The following VPS52 variants were observed in gnomAD, a reference collection of about 807,000 sequenced individuals.
The protein encoded by VPS52 is vacuolar protein sorting-associated protein 52 homolog.
Under a neutral mutation model 98.7 loss-of-function variants are expected in VPS52, and 56 were observed. The observed-to-expected ratio is 0.57, with a 90% CI of 0.46 to 0.71. The LOEUF (loss-of-function observed/expected upper bound fraction) is 0.71. Ranked by LOEUF, VPS52 falls within the 30% of genes least tolerant of loss-of-function variation. The probability of loss-of-function intolerance (pLI) is 0.00; values close to 1 mark genes in which losing one functional copy is unlikely to be tolerated. For synonymous variants in VPS52, 348 were observed against 346.4 expected, an observed-to-expected ratio of 1.00 and a Z score of -0.05; for missense variants, 742 against 925.9, an observed-to-expected ratio of 0.80 and a Z score of 2.58.
chr6:33,268,690 C>G lies in VPS52; in HGVS notation c.549-41G>C. On this transcript the variant is annotated intron_variant, in intron 6 of 19. Transcript: ENST00000445902. This position sits in a 1 kb window ranked among gnomAD's most constrained non-coding sequence, Gnocchi z 4.0. ...GGGTGGGATGAGTTACAAGGGAGAC[C>G]CAGACATCCCTAAACCAGACCCAGA... The G allele has an allele frequency of 6.4e-7, 1 of 1,560,998 alleles. No homozygotes were observed. The highest frequency in any genetic ancestry group is 8.6e-7 in the Non-Finnish European group (1 of 1,159,440).
intron 17 of VPS52, among the ~76,000 whole-genome samples, chr6:33,259,742 G>A (rs569596297): frequency 2.1e-4 from 32 of 151,594 alleles, no homozygotes; most frequent in Middle Eastern, 3.4e-3. Flanking sequence ...TTCTGATCCC[G>A]AGCATCTTTA....
At chr6:33,256,573 T>TTAGTCTA (rs896442687) in intron 17 of VPS52, among the ~76,000 whole-genome samples, 5 of 147,450 alleles carry the variant, frequency 3.4e-5, no homozygotes, top group African/African-American at 1.2e-4. Flanking sequence ...TTCTTCCAAA[T>TTAGTCTA]TAGTCTATAG....
At chr6:33,270,950 CAAAAAAAAAAAAAA>C (rs9280391) in intron 1 of VPS52, among the ~76,000 whole-genome samples, 14,885 of 85,258 alleles carry the variant, frequency 0.17, 1,048 homozygotes, top group Middle Eastern at 0.3. Flanking sequence ...GACTCCGTCT[CAAAAAAAAAAAAAA>C]AAAAAAAAAA....
rs1762251071 is a variant in VPS52, at chr6:33,251,630, A to G, written c.1913T>C (p.Val638Ala). ...ACCAAAGCCACGGATCAGCTGAGTT[A>G]CCCGGGCTAATAGCAGGAGGAAACA... ...AERLRGEEARVTQLIRGFGSS... is the reference protein window; with the variant it reads ...AERLRGEEARATQLIRGFGSS... The change falls in exon 19 of 20, where the codon GTA becomes GCA. Residue 638 changes from valine to alanine, a missense_variant. Val to Ala is a moderately conservative substitution (Grantham distance 64). Around this residue, in one of 2 missense-constraint regions of VPS52, gnomAD observed 590 missense variants for 793.3 expected, o/e 0.74. Coordinates refer to ENST00000445902, the MANE Select transcript of VPS52 (RefSeq NM_022553.6). 6.2e-7 allele frequency: 1 copy of G among 1,612,022 alleles called. No individual in the cohort carries two copies. Among genetic ancestry groups the G allele is most frequent in the Non-Finnish European group, 8.5e-7 (1 of 1,178,486 alleles).
rs1762069509 is a variant in VPS52, at chr6:33,250,354, T to A, written c.*487A>T. 6.5e-6 allele frequency: 1 copy of A among 154,862 alleles called. No homozygotes were observed. The highest frequency in any genetic ancestry group is 1.4e-5 in the Non-Finnish European group (1 of 69,868). 9.6% of individuals were successfully genotyped at this position (154,862 alleles called of 1,614,324 possible). Reference sequence around the variant, plus strand: ...TGAGCCAGGAGGGGAGAGGTTAGTGTTCAAATTGCTGAGATCTTAGGTCAA... The same window carrying A: ...TGAGCCAGGAGGGGAGAGGTTAGTGATCAAATTGCTGAGATCTTAGGTCAA... On this transcript the variant is annotated 3_prime_UTR_variant, in exon 20 of 20. Coordinates refer to ENST00000445902, the MANE Select transcript of VPS52 (RefSeq NM_022553.6).
intron 13 of VPS52, 133 bp downstream of exon 13, chr6:33,264,649 C>T: frequency 7.1e-7 from 1 of 1,410,574 alleles, no homozygotes; most frequent in Non-Finnish European, 9.9e-7. Context: ...AGCAGCACTA[C>T]TGCCTCCGGA....
rs1380533682 is a variant in VPS52, at chr6:33,264,170, C to T, written c.1525-67G>A. ...CCAACCAACACAACCTCCCAACTTC[C>T]TTAGCCAACCCACCTCCATGTGATG... On this transcript the variant is annotated intron_variant, in intron 14 of 19. Coordinates refer to ENST00000445902, the MANE Select transcript of VPS52 (RefSeq NM_022553.6). 21 of 1,585,320 alleles carry T rather than the reference C, an allele frequency of 1.3e-5. No homozygotes were observed. In the Admixed American group the frequency reaches 3.0e-4, roughly 23 times the overall value.
chr6:33,261,591 A>G (rs1763642043), intron 17 of VPS52, among the ~76,000 whole-genome samples: 1 of 152,224 alleles, frequency 6.6e-6, no homozygotes, highest in African/African-American at 2.4e-5. Context: ...CAAATGGATT[A>G]AAGACTTAAA....
chr6:33,264,861 T>C lies in VPS52; in HGVS notation c.1321A>G (p.Ile441Val). 6.2e-7 allele frequency: 1 copy of C among 1,613,012 alleles called. No homozygotes were observed. Among genetic ancestry groups the C allele is most frequent in the South Asian group, 1.1e-5 (1 of 91,066 alleles). The stretch of plus-strand genomic sequence containing the variant: ...ATGTGGATACAGAGAAAAACAGCAA[T>C]GGCATCGTAGCAGTCAGCTAGATAA... ...DSYLADCYDA[I>V]AVFLCIHIVL... Residue 441 changes from isoleucine (I) to valine (V), a missense_variant, in exon 13 of 20, where the codon ATT becomes GTT. By Grantham distance (29) the Ile-to-Val change is conservative (BLOSUM62 3). Transcript: ENST00000445902.
At chr6:33,264,299 A>C in intron 14 of VPS52, 75 bp downstream of exon 14, 1 of 1,589,222 alleles carries the variant, frequency 6.3e-7, no homozygotes, top group Non-Finnish European at 8.6e-7. Context: ...CACAACTGTG[A>C]CCTTGGCCAA....
At chr6:33,264,688 T>C (rs558414429) in intron 13 of VPS52, 94 bp downstream of exon 13, 187 of 1,413,696 alleles carry the variant, frequency 1.3e-4, no homozygotes, top group Non-Finnish European at 1.6e-4. Context: ...AGGTTGATGA[T>C]ACCAGGTCAG....
chr6:33,254,386 G>T (rs462618), intron 17 of VPS52, among the ~76,000 whole-genome samples: 19,113 of 152,174 alleles, frequency 0.13, 1,328 homozygotes, highest in South Asian at 0.2. Context: ...TGCAAGGAAG[G>T]ATCTTTCTAT....
In VPS52 at chr6:33,268,420, T is replaced by A. The variant is rs1243070675; in HGVS notation, c.699+79A>T. ...TCCCTGGAGACAGGCTACAGTGAGCTCTGCCAAGGAAATCCATAGTGAAGA... is the reference window on the plus strand; with the variant it reads ...TCCCTGGAGACAGGCTACAGTGAGCACTGCCAAGGAAATCCATAGTGAAGA... On this transcript the variant is annotated intron_variant, in intron 7 of 19. Transcript: ENST00000445902. This position sits in a 1 kb window ranked among gnomAD's most constrained non-coding sequence, Gnocchi z 4.0. 2.6e-6 allele frequency: 4 copies of A among 1,515,266 alleles called. No homozygotes were observed. Among genetic ancestry groups the A allele is most frequent in the African/African-American group, 1.4e-5 (1 of 71,984 alleles). 93.9% of individuals were successfully genotyped at this position (1,515,266 alleles called of 1,614,324 possible).
At chr6:33,258,740 G>T (rs1055667357) in intron 17 of VPS52, among the ~76,000 whole-genome samples, 9 of 152,254 alleles carry the variant, frequency 5.9e-5, no homozygotes, top group African/African-American at 2.2e-4. Flanking sequence ...GTTAATTTTT[G>T]TACTTCTAGT....
In VPS52 at chr6:33,251,893, G is replaced by T; in HGVS notation, c.1873C>A (p.Arg625Ser). ...FVKEAEALIE[R>S]GQAERLRGEE... The stretch of plus-strand genomic sequence containing the variant: ...CCTCGAAGTCGCTCAGCCTGTCCAC[G>T]CTCAATCAAAGCCTCAGCCTCCTTC... Residue 625 changes from arginine (R) to serine (S), a missense_variant, in exon 18 of 20, where the codon CGT becomes AGT. This residue lies in a region of VPS52 where 590 missense variants were observed against 793.3 expected (regional missense o/e 0.74). Coordinates refer to ENST00000445902, the MANE Select transcript of VPS52 (RefSeq NM_022553.6). 1 of 1,613,104 alleles carries T rather than the reference G, an allele frequency of 6.2e-7. No individual in the cohort carries two copies.
chr6:33,259,086 A>G (rs1387712660), intron 17 of VPS52, among the ~76,000 whole-genome samples: 1 of 152,150 alleles, frequency 6.6e-6, no homozygotes, highest in African/African-American at 2.4e-5. Flanking sequence ...AGACTCCCTG[A>G]AGAGTACTGT....
Position 33,263,774 on chromosome 6 carries a change from T to A in VPS52, c.1726A>T (p.Met576Leu), listed in dbSNP as rs772666947. 2 of 1,614,016 alleles carry A rather than the reference T, an allele frequency of 1.2e-6. No homozygotes were observed. The highest frequency in any genetic ancestry group is 2.2e-5 in the South Asian group (2 of 91,092). ...NNYDMMLGVL[M>L]ERAADDSKEV... ...CAAGGAGAAGGAGCACCTATTACCA[T>A]CAGCACACCCAGCATCATGTCATAG... Residue 576 changes from methionine to leucine, a missense_variant and splice_region_variant, in exon 16 of 20, where the codon ATG becomes TTG. This residue lies in a region of VPS52 where 590 missense variants were observed against 793.3 expected (regional missense o/e 0.74). Coordinates refer to ENST00000445902, the MANE Select transcript of VPS52 (RefSeq NM_022553.6).
In VPS52 at chr6:33,264,431, C is replaced by G. The variant is rs1051350486; in HGVS notation, c.1467G>C (p.Gln489His). 1 of 1,614,150 alleles carries G rather than the reference C, an allele frequency of 6.2e-7. No homozygotes were observed. Among genetic ancestry groups the G allele is most frequent in the Non-Finnish European group, 8.5e-7 (1 of 1,180,032 alleles). The change falls in exon 14 of 20, where the codon CAG becomes CAC. Residue 489 changes from glutamine (Q) to histidine (H), a missense_variant. This residue lies in a region of VPS52 where 590 missense variants were observed against 793.3 expected (regional missense o/e 0.74). Transcript: ENST00000445902. ...RFELILEMNV[Q>H]SVRSTDPQRL... ...GCTGGGGGTCAGTGCTTCGGACGCT[C>G]TGAACATTCATCTCCAGGATCAGTT...
Position 33,266,692 on chromosome 6 carries a change from G to T in VPS52, c.1146C>A (p.Phe382Leu). Residue 382 changes from phenylalanine to leucine, a missense_variant, in exon 12 of 20, where the codon TTC becomes TTA. Phe to Leu is a conservative substitution (Grantham distance 22). This residue lies in a region of VPS52 where 590 missense variants were observed against 793.3 expected (regional missense o/e 0.74). Coordinates refer to ENST00000445902, the MANE Select transcript of VPS52 (RefSeq NM_022553.6). ...CTAGGAGGGCGTAGTGCTGGCTGCGGAAGAGGGCCTCAAATGGATACTGGG... is the reference window on the plus strand; with the variant it reads ...CTAGGAGGGCGTAGTGCTGGCTGCGTAAGAGGGCCTCAAATGGATACTGGG... ...GEQRYPFEAL[F>L]RSQHYALLDN... 6.2e-7 allele frequency: 1 copy of T among 1,611,442 alleles called. No homozygotes were observed. The highest frequency in any genetic ancestry group is 2.2e-5 in the East Asian group (1 of 44,878).
Sources: allele counts gnomAD v4.1 joint callset (sites outside exome capture counted in the v4.1 genomes callset), GRCh38; gene constraint gnomAD v4.1.1; regional missense constraint gnomAD v4.1.1; non-coding constraint Gnocchi (gnomAD v3.1); transcripts MANE v1.5; gene names NCBI Gene and HGNC (gene_info 2026-07-23, HGNC 2026-07-21).